The following BRPF3 variants were observed in gnomAD, a reference collection of about 807,000 sequenced individuals.
The protein encoded by BRPF3 is bromodomain and PHD finger-containing protein 3.
Under a neutral mutation model 102.0 loss-of-function variants are expected in BRPF3, and 18 were observed. The observed-to-expected ratio is 0.18, with a 90% confidence interval of 0.12 to 0.26. BRPF3 has a LOEUF of 0.26. BRPF3 is among the 10% of genes least tolerant of loss of function. The pLI is 1.00. For missense variants in BRPF3, 1,147 were observed against 1,567.8 expected, an observed-to-expected ratio of 0.73 and a Z score of 4.53; for synonymous variants, 570 against 614.2, an observed-to-expected ratio of 0.93 and a Z score of 1.06.
intron 7 of BRPF3, 109 bp downstream of exon 7, chr6:36,211,669 T>A (rs1195647805): frequency 1.5e-6 from 2 of 1,347,850 alleles, no homozygotes; most frequent in Admixed American, 5.1e-5. Flanking sequence ...CTGACACTTG[T>A]GGGCAAGCAA....
In BRPF3 at chr6:36,230,631, C is replaced by T. The variant is rs770211524; in HGVS notation, c.*22C>T. 17 of 1,609,226 alleles carry T rather than the reference C, an allele frequency of 1.1e-5. No individual in the cohort carries two copies. Among genetic ancestry groups the T allele is most frequent in the East Asian group, 4.5e-5 (2 of 44,762 alleles). The stretch of plus-strand genomic sequence containing the variant: ...GTAAGGGCAGGGCTGGGCCTGCATC[C>T]GCTTGCCCTGCCTCCATCCCGCAGG... On this transcript the variant is annotated 3_prime_UTR_variant, in exon 13 of 13. Coordinates refer to ENST00000357641, the MANE Select transcript of BRPF3 (RefSeq NM_015695.3). The surrounding 1 kb of genome is among the most constrained non-coding windows in gnomAD (Gnocchi z 5.4).
rs555491788 is a variant in BRPF3 at position 36,225,682 on chromosome 6, A to T, written c.3279+318A>T. ...ACTGATAATGCTTAGACGTTTTATT[A>T]AATATTTGTCATGCTAAGTCCTTGA... On this transcript the variant is annotated intron_variant, in intron 11 of 12. Transcript: ENST00000357641. Among the ~76,000 whole-genome samples, 55 of 152,346 alleles carry T rather than the reference A, an allele frequency of 3.6e-4. 1 individual carries two copies. In the South Asian group the frequency reaches 0.011, roughly 31 times the overall value.
chr6:36,221,932 A>G (rs776692788), intron 9 of BRPF3, among the ~76,000 whole-genome samples: 6 of 152,012 alleles, frequency 3.9e-5, no homozygotes, highest in African/African-American at 7.2e-5. Context: ...GAACTGAGCA[A>G]CTCCTTCCAG....
intron 10 of BRPF3, among the ~76,000 whole-genome samples, chr6:36,223,880 C>T (rs1768639225): frequency 6.6e-6 from 1 of 152,092 alleles, no homozygotes; most frequent in Non-Finnish European, 1.5e-5. Context: ...TTTTAAATGG[C>T]TCTTCAGACA....
chr6:36,206,121 G>A (rs1767897101), intron 3 of BRPF3, among the ~76,000 whole-genome samples: 1 of 152,112 alleles, frequency 6.6e-6, no homozygotes, highest in African/African-American at 2.4e-5. Context: ...GCTCATCCAT[G>A]CCCTCTTAAT....
chr6:36,217,055 AT>A (rs1289662772), intron 8 of BRPF3, among the ~76,000 whole-genome samples: 1 of 152,130 alleles, frequency 6.6e-6, no homozygotes, highest in East Asian at 1.9e-4. Context: ...AGAAAAATAA[AT>A]TGGATAGATA....
Position 36,211,376 on chromosome 6 carries a change from T to G in BRPF3, c.2298T>G (p.Arg766=). The part of the protein sequence containing the change: ...SAMRSSGART[R]RVRLLRREIN... ...TGCGGTCCAGTGGGGCCCGCACCCG[T>G]CGTGTCCGCCTGCTACGCCGGGAGA... Residue 766 remains arginine, a synonymous_variant, in exon 7 of 13, where the codon CGT becomes CGG. Coordinates refer to ENST00000357641, the MANE Select transcript of BRPF3 (RefSeq NM_015695.3). 6.2e-7 allele frequency: 1 copy of G among 1,614,208 alleles called. No homozygotes were observed. Among genetic ancestry groups the G allele is most frequent in the Non-Finnish European group, 8.5e-7 (1 of 1,180,024 alleles).
chr6:36,225,066 C>T (rs892647147), intron 10 of BRPF3, among the ~76,000 whole-genome samples: 2 of 152,178 alleles, frequency 1.3e-5, no homozygotes, highest in Non-Finnish European at 2.9e-5. Context: ...AAAATATTTA[C>T]TATTTGGCCC....
chr6:36,225,488 G>T (rs1315601627), intron 11 of BRPF3, 124 bp downstream of exon 11: 11 of 839,964 alleles, frequency 1.3e-5, no homozygotes, highest in Non-Finnish European at 1.6e-5. Flanking sequence ...GGGGAGGGGG[G>T]TTTTGCCCCA....
intron 1 of BRPF3, chr6:36,197,574 T>C (rs914469244): frequency 2.0e-5 from 3 of 147,942 alleles, no homozygotes; most frequent in African/African-American, 5.0e-5. Flanking sequence ...GTGCAGGGGA[T>C]ACAGTCTAAT....
chr6:36,199,421 G>A (rs1240832083), intron 1 of BRPF3, among the ~76,000 whole-genome samples: 3 of 152,220 alleles, frequency 2.0e-5, no homozygotes, highest in African/African-American at 7.2e-5. Flanking sequence ...CTGCTGTCCT[G>A]GATGGTGTCT....
chr6:36,209,585 A>C (rs1768021559), intron 4 of BRPF3, among the ~76,000 whole-genome samples: 1 of 152,224 alleles, frequency 6.6e-6, no homozygotes, highest in South Asian at 2.1e-4. Context: ...TTTGGTACAT[A>C]GGAAACAATA....
intron 7 of BRPF3, among the ~76,000 whole-genome samples, chr6:36,212,780 C>T (rs1429083122): frequency 1.3e-5 from 2 of 151,380 alleles, no homozygotes; most frequent in African/African-American, 4.9e-5. Context: ...GGTGAAACCC[C>T]GTCTCTACTA....
Position 36,200,253 on chromosome 6 carries a change from C to T in BRPF3, c.-26-44C>T. ...GATCATATGGGAGGATGAATGGGTG[C>T]ATAAGGGCATCCAACTCATAGTCTC... On this transcript the variant is annotated intron_variant, in intron 1 of 12. Transcript: ENST00000357641. This position sits in a 1 kb window ranked among gnomAD's most constrained non-coding sequence, Gnocchi z 5.3. 1 of 1,515,506 alleles carries T rather than the reference C, an allele frequency of 6.6e-7. No homozygotes were observed. The highest frequency in any genetic ancestry group is 8.8e-7 in the Non-Finnish European group (1 of 1,135,876). 93.9% of individuals were successfully genotyped at this position (1,515,506 alleles called of 1,614,324 possible). A position where few individuals can be genotyped will look rare whatever the true frequency, so the allele number is the denominator to read the frequency against.
chr6:36,211,229 C>T, intron 6 of BRPF3, 29 bp from the exon 7 acceptor site: 18 of 1,602,098 alleles, frequency 1.1e-5, no homozygotes, highest in Non-Finnish European at 1.5e-5. Context: ...GGTCCTTCAG[C>T]CCCTTCTGTC....
At position 36,201,896 on chromosome 6, in the gene BRPF3, C is replaced by T. The variant is rs1339911066; in HGVS notation, c.1448+126C>T. 7.2e-7 allele frequency: 1 copy of T among 1,381,084 alleles called. No individual in the cohort carries two copies. Among genetic ancestry groups the T allele is most frequent in the Non-Finnish European group, 9.7e-7 (1 of 1,032,782 alleles). 85.6% of individuals were successfully genotyped at this position (1,381,084 alleles called of 1,614,324 possible). ...CCTCCTCCCCGAATTTAAACTCTTC[C>T]TTTTGACCCCAGGCTCACCTGGCCT... On this transcript the variant is annotated intron_variant, in intron 2 of 12. Coordinates refer to ENST00000357641, the MANE Select transcript of BRPF3 (RefSeq NM_015695.3). The surrounding 1 kb of genome is among the most constrained non-coding windows in gnomAD (Gnocchi z 5.1).
intron 9 of BRPF3, among the ~76,000 whole-genome samples, chr6:36,220,009 G>A (rs1768477874): frequency 6.6e-6 from 1 of 152,154 alleles, no homozygotes; most frequent in Admixed American, 6.5e-5. Flanking sequence ...AAGCACTAAG[G>A]TGCCTGTTCT....
At chr6:36,203,502 G>T (rs753394634) in intron 2 of BRPF3, among the ~76,000 whole-genome samples, 1 of 152,202 alleles carries the variant, frequency 6.6e-6, no homozygotes, top group Non-Finnish European at 1.5e-5. Context: ...ATCTGGGCAG[G>T]TGTGCTTGGC....
rs763666019 is a variant in BRPF3, at chr6:36,204,783, C to T, written c.1574C>T (p.Ser525Phe). The change falls in exon 3 of 13, where the codon TCC becomes TTC. Residue 525 changes from serine to phenylalanine, a missense_variant. This residue lies in a region of BRPF3 where 37 missense variants were observed against 33.3 expected (regional missense o/e 1.11). Coordinates refer to ENST00000357641, the MANE Select transcript of BRPF3 (RefSeq NM_015695.3). ...GTCCCTCTTATCCGGCGCTTGCACT[C>T]CCATCTGCAGTCCCAAAGAAACGCT... ...NGVPLIRRLH[S>F]HLQSQRNAEQ... 2 of 1,614,260 alleles carry T rather than the reference C, an allele frequency of 1.2e-6. No homozygotes were observed. Among genetic ancestry groups the T allele is most frequent in the Non-Finnish European group, 1.7e-6 (2 of 1,180,042 alleles).
Sources: gnomAD v4.1 joint callset for allele counts (sites outside exome capture counted in the v4.1 genomes callset) on GRCh38, gnomAD v4.1.1 for gene constraint, gnomAD v4.1.1 regional missense constraint, Gnocchi (gnomAD v3.1) non-coding constraint, MANE v1.5 for transcripts, NCBI Gene and HGNC (gene_info 2026-07-23, HGNC 2026-07-21) for gene names.